GRIA2: variants seen among roughly 807,000 people sequenced by gnomAD.
GRIA2 encodes the protein glutamate receptor 2.
GRIA2 carries 14 observed loss-of-function variants against 97.3 expected under a neutral mutation model. The ratio of observed to expected loss-of-function variants is 0.14; its 90% confidence interval spans 0.10 to 0.23. The LOEUF is 0.23. Among genes scored for constraint, GRIA2 ranks in the 10% least tolerant of loss-of-function variants. The pLI, the probability that GRIA2 is intolerant of heterozygous loss-of-function variation, is 1.00. For synonymous variants in GRIA2, 412 were observed against 387.8 expected (o/e 1.06, Z -0.73); for missense variants, 558 against 1,069.8 (o/e 0.52, Z 6.67).
intron 2 of GRIA2, among the ~76,000 whole-genome samples, chr4:157,234,131 G>A (rs953274857): frequency 6.6e-6 from 1 of 151,954 alleles, no homozygotes; most frequent in African/African-American, 2.4e-5. Flanking sequence ...GTAAAATGGG[G>A]TTCATTATAA....
intron 2 of GRIA2, among the ~76,000 whole-genome samples, chr4:157,289,784 A>G (rs781292874): frequency 2.0e-5 from 3 of 151,914 alleles, no homozygotes; most frequent in Non-Finnish European, 4.4e-5. Flanking sequence ...TATATATTAA[A>G]AATAAAAGAA....
rs1736839050 is a variant in GRIA2, at chr4:157,365,379, T to G, written c.*1948T>G. 1 of 152,032 alleles carries G rather than the reference T, an allele frequency of 6.6e-6. No homozygotes were observed. The highest frequency in any genetic ancestry group is 2.1e-4 in the South Asian group (1 of 4,828). The allele number at this position is 152,032 out of a possible 1,614,324, so 9.4% of individuals were successfully genotyped here. On this transcript the variant is annotated 3_prime_UTR_variant, in exon 16 of 16. Coordinates refer to ENST00000264426, the MANE Select transcript of GRIA2 (RefSeq NM_001083619.3). ...CAGACTAATTGTTTCCATATTGTAC[T>G]TAAAATGAGTTTTTAAAAGTGAAAA...
intron 12 of GRIA2, chr4:157,342,512 A>G (rs1735591920): frequency 2.0e-5 from 19 of 938,366 alleles, no homozygotes; most frequent in Non-Finnish European, 2.4e-5. Flanking sequence ...GACCATCAGC[A>G]GCTTTTTTTA....
chr4:157,266,078 T>C (rs1342924825), intron 2 of GRIA2, among the ~76,000 whole-genome samples: 2 of 152,128 alleles, frequency 1.3e-5, no homozygotes, highest in African/African-American at 2.4e-5. Context: ...GTTAGAGAGT[T>C]ATTTATTGAA....
Position 157,248,207 on chromosome 4 carries a change from A to G in GRIA2, c.229+26400A>G, listed in dbSNP as rs149533713. Among the ~76,000 whole-genome samples, 267 of 151,698 alleles carry G rather than the reference A, an allele frequency of 1.8e-3. 1 individual carries two copies. The highest frequency in any genetic ancestry group is 3.0e-3 in the Non-Finnish European group (206 of 67,902). Reference sequence around the variant, plus strand: ...ATAAAACTGAATCAGAGGTAACCTAATTATATAATTAAAATTGTATATTAA... The same window carrying G: ...ATAAAACTGAATCAGAGGTAACCTAGTTATATAATTAAAATTGTATATTAA... On this transcript the variant is annotated intron_variant, in intron 2 of 15. Coordinates refer to ENST00000264426, the MANE Select transcript of GRIA2 (RefSeq NM_001083619.3).
intron 2 of GRIA2, among the ~76,000 whole-genome samples, chr4:157,302,141 G>A (rs1733643052): frequency 6.8e-6 from 1 of 147,536 alleles, no homozygotes; most frequent in Non-Finnish European, 1.5e-5. Context: ...CCACTGCACT[G>A]CACTCCAGCC....
chr4:157,260,485 C>A (rs1033189631), intron 2 of GRIA2, among the ~76,000 whole-genome samples: 1 of 152,002 alleles, frequency 6.6e-6, no homozygotes, highest in African/African-American at 2.4e-5. Flanking sequence ...GACTTAGCAC[C>A]AAGTCCCCAA....
intron 2 of GRIA2, among the ~76,000 whole-genome samples, chr4:157,300,705 G>T (rs1733576087): frequency 6.6e-6 from 1 of 152,174 alleles, no homozygotes; most frequent in Admixed American, 6.5e-5. Context: ...AAGAGCTATT[G>T]TTGTAAAAAT....
intron 12 of GRIA2, among the ~76,000 whole-genome samples, chr4:157,358,052 G>A (rs551831012): frequency 6.6e-6 from 1 of 152,104 alleles, no homozygotes; most frequent in Non-Finnish European, 1.5e-5. Flanking sequence ...TTCTTTATCA[G>A]CCTGTGATTT....
chr4:157,350,111 T>A (rs1560778057), intron 12 of GRIA2, among the ~76,000 whole-genome samples: 1 of 152,186 alleles, frequency 6.6e-6, no homozygotes. Context: ...AAAGTTCTTA[T>A]AAGATCAAAA....
intron 2 of GRIA2, among the ~76,000 whole-genome samples, chr4:157,303,219 GACT>G (rs1733691480): frequency 6.6e-6 from 1 of 152,086 alleles, no homozygotes; most frequent in Non-Finnish European, 1.5e-5. Context: ...AATCTTAGGA[GACT>G]ACAGTTTGTT....
At chr4:157,328,208 A>G (rs1430467588) in intron 6 of GRIA2, among the ~76,000 whole-genome samples, 1 of 152,112 alleles carries the variant, frequency 6.6e-6, no homozygotes, top group Non-Finnish European at 1.5e-5. Context: ...GGCATCTCAC[A>G]TCTTATTTTC....
chr4:157,246,309 AT>A (rs1159734628), intron 2 of GRIA2, among the ~76,000 whole-genome samples: 1 of 152,090 alleles, frequency 6.6e-6, no homozygotes, highest in Non-Finnish European at 1.5e-5. Context: ...TTTGAATCAC[AT>A]GATATTGTCT....
chr4:157,249,962 T>C (rs1730950630), intron 2 of GRIA2: 2 of 152,088 alleles, frequency 1.3e-5, no homozygotes, highest in Non-Finnish European at 2.9e-5. Context: ...TAAAAGCAAT[T>C]ATATATTGTT....
chr4:157,230,722 A>G (rs1729970716), intron 2 of GRIA2, among the ~76,000 whole-genome samples: 1 of 152,072 alleles, frequency 6.6e-6, no homozygotes. Flanking sequence ...ACCTTGAGCT[A>G]CTATAGAACA....
chr4:157,294,856 G>T (rs774622133), intron 2 of GRIA2, among the ~76,000 whole-genome samples: 1 of 152,044 alleles, frequency 6.6e-6, no homozygotes, highest in Non-Finnish European at 1.5e-5. Context: ...TTTCATCAGG[G>T]CATAGAGTGC....
At position 157,261,958 on chromosome 4, in the gene GRIA2, C is replaced by T. The variant is rs139731198; in HGVS notation, c.229+40151C>T. ...ATTTTGTTCTTTCCATTATACCATG[C>T]GCTTTACTGGTTATATGCTCAAAAG... On this transcript the variant is annotated intron_variant, in intron 2 of 15. Transcript: ENST00000264426. Among the ~76,000 whole-genome samples the T allele has an allele frequency of 6.6e-5, 10 of 152,086 alleles. No individual in the cohort carries two copies. The East Asian group carries it at 1.6e-3, about 24-fold the overall frequency.
intron 2 of GRIA2, among the ~76,000 whole-genome samples, chr4:157,247,667 T>G (rs1297136809): frequency 6.6e-6 from 1 of 152,062 alleles, no homozygotes; most frequent in East Asian, 1.9e-4. Context: ...GGCAGTACAC[T>G]TCGACTTTTT....
chr4:157,286,880 G>A (rs768107480), intron 2 of GRIA2, among the ~76,000 whole-genome samples: 6 of 151,318 alleles, frequency 4.0e-5, no homozygotes, highest in Admixed American at 6.6e-5. Flanking sequence ...TTTTCTATTT[G>A]ATTACTCTCA....
Sources: gnomAD v4.1 joint callset for allele counts (sites outside exome capture counted in the v4.1 genomes callset) on GRCh38, gnomAD v4.1.1 for gene constraint, MANE v1.5 for transcripts, NCBI Gene and HGNC (gene_info 2026-07-23, HGNC 2026-07-21) for gene names.